The following MYO1B variants were observed in gnomAD, a reference collection of about 807,000 sequenced individuals.
MYO1B encodes the protein myosin IB.
MYO1B carries 72 observed loss-of-function variants against 159.7 expected under a neutral mutation model. The observed-to-expected ratio is 0.45, with a 90% CI of 0.37 to 0.55. The LOEUF (loss-of-function observed/expected upper bound fraction) is 0.55, where lower values mean the gene tolerates loss of function less well. Ranked by LOEUF, MYO1B falls within the 20% of genes least tolerant of loss-of-function variation. The probability of loss-of-function intolerance (pLI) is 0.00; values close to 1 mark genes in which losing one functional copy is unlikely to be tolerated. For missense variants in MYO1B, 1,062 were observed against 1,364.8 expected, an observed-to-expected ratio of 0.78 and a Z score of 3.50; for synonymous variants, 468 against 473.8, an observed-to-expected ratio of 0.99 and a Z score of 0.16.
intron 2 of MYO1B, among the ~76,000 whole-genome samples, chr2:191,286,023 A>C (rs1029287333): frequency 1.3e-5 from 2 of 152,168 alleles, no homozygotes; most frequent in African/African-American, 4.8e-5. Flanking sequence ...TTTGGGATGA[A>C]ACTCTGCTTC....
Position 191,393,080 on chromosome 2 carries a change from A to T in MYO1B, c.2084A>T (p.Lys695Ile). 6.2e-7 allele frequency: 1 copy of T among 1,613,410 alleles called. No individual in the cohort carries two copies. Residue 695 changes from lysine (K) to isoleucine (I), a missense_variant, in exon 20 of 31, where the codon AAA (lysine) becomes ATA (isoleucine). Lys to Ile is a moderately radical substitution (Grantham distance 102). Around this residue, in one of 5 missense-constraint regions of MYO1B, gnomAD observed 609 missense variants for 744.4 expected, o/e 0.82. Transcript: ENST00000392318. ...IFIRNPRTLF[K>I]LEDLRKQRLE... ...TCTATCATTTCTTATTAGTTATTCAAATTAGAAGACCTGAGGAAGCAACGC... is the reference window on the plus strand; with the variant it reads ...TCTATCATTTCTTATTAGTTATTCATATTAGAAGACCTGAGGAAGCAACGC...
chr2:191,349,080 CAT>C (rs2125980779), intron 6 of MYO1B, among the ~76,000 whole-genome samples: 1 of 152,334 alleles, frequency 6.6e-6, no homozygotes, highest in East Asian at 1.9e-4. Flanking sequence ...CACTGTAGGA[CAT>C]ATCCTCCTAG....
At position 191,308,930 on chromosome 2, in the gene MYO1B, A is replaced by G. The variant is rs566719646; in HGVS notation, c.251+12704A>G. Among the ~76,000 whole-genome samples the G allele has an allele frequency of 3.9e-5, 6 of 152,126 alleles. No individual in the cohort carries two copies. In the South Asian group the frequency reaches 1.0e-3, roughly 26 times the overall value. ...TCCCCCGCCTTGCTGGCTGCTCCAT[A>G]TCCAGCCTCCGCATTCCCGTGGCAA... On this transcript the variant is annotated intron_variant, in intron 3 of 30. Coordinates refer to ENST00000392318, the MANE Select transcript of MYO1B (RefSeq NM_001130158.3).
intron 3 of MYO1B, among the ~76,000 whole-genome samples, chr2:191,302,589 G>A (rs1426014505): frequency 6.6e-6 from 1 of 152,080 alleles, no homozygotes; most frequent in East Asian, 1.9e-4. Context: ...TATGTCTATT[G>A]GAAGGAACTT....
chr2:191,414,235 AC>A, intron 28 of MYO1B, 55 bp downstream of exon 28: 1 of 1,552,704 alleles, frequency 6.4e-7, no homozygotes, highest in Middle Eastern at 1.7e-4. Flanking sequence ...TGGGATAGTC[AC>A]CCTGTTTTCT....
At chr2:191,261,457 G>A (rs893422511) in intron 1 of MYO1B, among the ~76,000 whole-genome samples, 2 of 152,146 alleles carry the variant, frequency 1.3e-5, no homozygotes, top group African/African-American at 2.4e-5. Context: ...TGTAAAACTC[G>A]ATAATCGTAC....
At position 191,423,978 on chromosome 2, in the gene MYO1B, C is replaced by CT. The variant is rs1231850919; in HGVS notation, c.*21dup. The CT allele has an allele frequency of 6.2e-7, 1 of 1,610,306 alleles. No individual in the cohort carries two copies. Among genetic ancestry groups the CT allele is most frequent in the Non-Finnish European group, 8.5e-7 (1 of 1,178,640 alleles). On this transcript the variant is annotated 3_prime_UTR_variant, in exon 31 of 31. Coordinates refer to ENST00000392318, the MANE Select transcript of MYO1B (RefSeq NM_001130158.3). ...TCCCTTAACTGGCGCCTCCTCTCTACTTTCATGGACTTGTTCCTTTGTAAT... is the reference window on the plus strand; with the variant it reads ...TCCCTTAACTGGCGCCTCCTCTCTACTTTTCATGGACTTGTTCCTTTGTAAT...
chr2:191,408,875 A>G (rs561380827), intron 25 of MYO1B, among the ~76,000 whole-genome samples, 169 bp from the exon 26 acceptor site: 2 of 152,298 alleles, frequency 1.3e-5, no homozygotes, highest in South Asian at 2.1e-4. Flanking sequence ...TATTTCCCCA[A>G]CCAGTATGAA....
At chr2:191,258,644 G>C (rs1198988023) in intron 1 of MYO1B, among the ~76,000 whole-genome samples, 2 of 152,188 alleles carry the variant, frequency 1.3e-5, no homozygotes, top group African/African-American at 2.4e-5. Flanking sequence ...GAGTAGGGCA[G>C]CGGTTATAGC....
At chr2:191,266,714 T>G (rs1687162624) in intron 1 of MYO1B, among the ~76,000 whole-genome samples, 1 of 152,188 alleles carries the variant, frequency 6.6e-6, no homozygotes. Flanking sequence ...GTCTCTCTCC[T>G]TGCTCTTTAA....
chr2:191,362,750 A>G (rs1319067744), intron 9 of MYO1B, among the ~76,000 whole-genome samples: 2 of 152,230 alleles, frequency 1.3e-5, no homozygotes, highest in African/African-American at 2.4e-5. Flanking sequence ...ATCTTTTTAT[A>G]TAGTTTCAGA....
intron 2 of MYO1B, among the ~76,000 whole-genome samples, chr2:191,279,359 T>A (rs564208655): frequency 6.6e-6 from 1 of 152,130 alleles, no homozygotes; most frequent in African/African-American, 2.4e-5. Flanking sequence ...GGTTTACGAA[T>A]ATGTACATAT....
intron 3 of MYO1B, among the ~76,000 whole-genome samples, chr2:191,318,333 G>T (rs911200702): frequency 6.6e-6 from 1 of 152,194 alleles, no homozygotes; most frequent in African/African-American, 2.4e-5. Context: ...TTTAGGATTT[G>T]ATTCTGTATG....
At chr2:191,278,338 A>G (rs1687866800) in intron 2 of MYO1B, among the ~76,000 whole-genome samples, 1 of 152,210 alleles carries the variant, frequency 6.6e-6, no homozygotes. Context: ...CTTATGACCT[A>G]GTCACCTCTC....
In MYO1B at chr2:191,381,452, C is replaced by T; in HGVS notation, c.1186-10C>T. ...GGTTTATAAAGCTGTTTTTCATTTT[C>T]TCCATACAGGACAACAGCTTTGAGC... On this transcript the variant is annotated splice_polypyrimidine_tract_variant and intron_variant, in intron 13 of 30. Transcript: ENST00000392318. 6.2e-7 allele frequency: 1 copy of T among 1,602,718 alleles called. No homozygotes were observed. The highest frequency in any genetic ancestry group is 8.5e-7 in the Non-Finnish European group (1 of 1,170,022).
At chr2:191,341,021 G>C (rs1235704497) in intron 4 of MYO1B, among the ~76,000 whole-genome samples, 1 of 152,180 alleles carries the variant, frequency 6.6e-6, no homozygotes, top group African/African-American at 2.4e-5. Flanking sequence ...ACTGTGCCTG[G>C]CCGAGCAAAC....
chr2:191,362,145 CT>C (rs1390403531), intron 8 of MYO1B, 122 bp from the exon 9 acceptor site: 1 of 664,512 alleles, frequency 1.5e-6, no homozygotes, highest in African/African-American at 1.8e-5. Flanking sequence ...AATTTGTGTT[CT>C]TTTGATTCAA....
intron 5 of MYO1B, among the ~76,000 whole-genome samples, chr2:191,345,385 C>G: frequency 6.6e-6 from 1 of 152,150 alleles, no homozygotes; most frequent in Non-Finnish European, 1.5e-5. Context: ...ACTACCATGG[C>G]CCAGGTTAAC....
chr2:191,329,032 G>A (rs971318451), intron 3 of MYO1B, among the ~76,000 whole-genome samples: 3 of 152,100 alleles, frequency 2.0e-5, no homozygotes, highest in African/African-American at 7.2e-5. Context: ...CTACACTCCA[G>A]CTTTTTCTTG....
Sources: allele counts gnomAD v4.1 joint callset (sites outside exome capture counted in the v4.1 genomes callset), GRCh38; gene constraint gnomAD v4.1.1; regional missense constraint gnomAD v4.1.1; transcripts MANE v1.5; gene names NCBI Gene and HGNC (gene_info 2026-07-23, HGNC 2026-07-21).